USP34: variants seen among roughly 807,000 people sequenced by gnomAD.
The protein encoded by USP34 is ubiquitin specific peptidase 34.
USP34 carries 70 observed loss-of-function variants against 460.3 expected under a neutral mutation model. The observed-to-expected ratio is 0.15, with a 90% CI of 0.13 to 0.19. The LOEUF (loss-of-function observed/expected upper bound fraction) is 0.19. USP34 is among the 10% of genes least tolerant of loss of function. The probability of loss-of-function intolerance (pLI) is 1.00; values close to 1 mark genes in which losing one functional copy is unlikely to be tolerated. For synonymous variants in USP34, 1,647 were observed against 1,405.3 expected (o/e 1.17, Z -3.85); for missense variants, 3,985 against 4,236.2 (o/e 0.94, Z 1.65).
chr2:61,279,615 G>A (rs1446651136), intron 39 of USP34, among the ~76,000 whole-genome samples: 1 of 152,118 alleles, frequency 6.6e-6, no homozygotes, highest in Non-Finnish European at 1.5e-5. Context: ...ACAGGCACCT[G>A]TGACTATGCC....
chr2:61,231,528 C>T (rs1687905021), intron 58 of USP34, among the ~76,000 whole-genome samples: 1 of 151,970 alleles, frequency 6.6e-6, no homozygotes, highest in African/African-American at 2.4e-5. Flanking sequence ...GCCTAGGCAA[C>T]AGGGGAGAGA....
intron 27 of USP34, among the ~76,000 whole-genome samples, chr2:61,307,235 T>C (rs561842839): frequency 1.4e-5 from 2 of 147,660 alleles, no homozygotes; most frequent in Non-Finnish European, 3.0e-5. Context: ...AAACACCGCA[T>C]GTTCTCACTC....
At chr2:61,266,225 T>G (rs1484617305) in intron 41 of USP34, 58 bp from the exon 42 acceptor site, 15 of 1,476,744 alleles carry the variant, frequency 1.0e-5, no homozygotes, top group Non-Finnish European at 1.4e-5. Flanking sequence ...ATTCCAAATA[T>G]AGTTAACATA....
chr2:61,189,116 T>C (rs764251323), intron 78 of USP34, 47 bp from the exon 79 acceptor site: 1 of 1,578,742 alleles, frequency 6.3e-7, no homozygotes, highest in East Asian at 2.3e-5. Flanking sequence ...AGCCAACACT[T>C]TGATGCAGTT....
intron 20 of USP34, among the ~76,000 whole-genome samples, chr2:61,327,254 T>C (rs1194372810): frequency 2.6e-5 from 4 of 152,364 alleles, no homozygotes; most frequent in South Asian, 4.1e-4. Context: ...TTAGGGTCTC[T>C]TATTAATGCT....
intron 48 of USP34, among the ~76,000 whole-genome samples, chr2:61,255,690 A>T (rs555038832): frequency 1.3e-5 from 2 of 152,240 alleles, no homozygotes; most frequent in Non-Finnish European, 2.9e-5. Context: ...TAAACAATTC[A>T]TAAGTGGTGT....
At chr2:61,468,372 G>A (rs535757651) in intron 1 of USP34, among the ~76,000 whole-genome samples, 3 of 152,146 alleles carry the variant, frequency 2.0e-5, no homozygotes, top group Non-Finnish European at 2.9e-5. Flanking sequence ...GAGTAGAGAC[G>A]GGGTTTCTCC....
Position 61,245,251 on chromosome 2 carries a change from A to C in USP34, c.6586T>G (p.Ser2196Ala). The change falls in exon 51 of 80, where the codon TCT (serine) becomes GCT (alanine). Residue 2196 changes from serine (S) to alanine (A), a missense_variant. Coordinates refer to ENST00000398571, the MANE Select transcript of USP34 (RefSeq NM_014709.4). Reference sequence around the variant, plus strand: ...AAACATTCAGATGCAAGTTGAGCAGAATCAAAAGGTTTTACCTCAGCATCA... The same window carrying C: ...AAACATTCAGATGCAAGTTGAGCAGCATCAAAAGGTTTTACCTCAGCATCA... Reference protein sequence around the residue: ...FNDAEVKPFDSAQLASECFGG... With the variant: ...FNDAEVKPFDAAQLASECFGG... 8.1e-6 allele frequency: 13 copies of C among 1,610,500 alleles called. No individual in the cohort carries two copies. The highest frequency in any genetic ancestry group is 1.1e-5 in the Non-Finnish European group (13 of 1,178,300).
At position 61,187,663 on chromosome 2, in the gene USP34, T is replaced by G. The variant is rs541132321; in HGVS notation, c.*439A>C. On this transcript the variant is annotated 3_prime_UTR_variant, in exon 80 of 80. Transcript: ENST00000398571. ...TTTACAGAATCAAATTTCTTGTGGT[T>G]GTTCCGTATACAAGTAAACTTAATT... 38 of 584,492 alleles carry G rather than the reference T, an allele frequency of 6.5e-5. No individual in the cohort carries two copies. The highest frequency in any genetic ancestry group is 4.2e-4 in the East Asian group (3 of 7,170). The allele number at this position is 584,492 out of a possible 1,614,324, so 36.2% of individuals were successfully genotyped here.
chr2:61,416,074 G>A (rs1694184286), intron 2 of USP34, among the ~76,000 whole-genome samples: 1 of 152,162 alleles, frequency 6.6e-6, no homozygotes, highest in Non-Finnish European at 1.5e-5. Flanking sequence ...CTGAAAGAAT[G>A]AAAGGACTAT....
rs773606146 is a variant in USP34 at position 61,214,632 on chromosome 2, T to C, written c.8110A>G (p.Thr2704Ala). The C allele has an allele frequency of 1.2e-6, 2 of 1,614,104 alleles. No individual in the cohort carries two copies. The highest frequency in any genetic ancestry group is 1.7e-6 in the Non-Finnish European group (2 of 1,180,030). ...CGGGTTGGGATGTGCAAAGACCTTG[T>C]TGACCGGAACATCTGACGGAATGAA... ...SNSFRQMFRS[T>A]RSLHIPTRDL... is the part of the protein sequence containing the mutation. Residue 2704 changes from threonine to alanine, a missense_variant, in exon 68 of 80, where the codon ACA becomes GCA. Physicochemically the swap from Thr to Ala is moderately conservative, Grantham distance 58 (BLOSUM62 0). Coordinates refer to ENST00000398571, the MANE Select transcript of USP34 (RefSeq NM_014709.4).
chr2:61,280,319 T>C lies in USP34; in HGVS notation c.5181A>G (p.Leu1727=). 6.4e-7 allele frequency: 1 copy of C among 1,551,490 alleles called. No homozygotes were observed. Among genetic ancestry groups the C allele is most frequent in the South Asian group, 1.3e-5 (1 of 77,212 alleles). The change falls in exon 39 of 80, where the codon TTA becomes TTG. Residue 1727 remains leucine (L), a synonymous_variant. Coordinates refer to ENST00000398571, the MANE Select transcript of USP34 (RefSeq NM_014709.4). ...RIDDYEEEPI[L]KPGCKEYFWL... ...AAAAATACTCTTTACATCCTGGTTT[T>C]AATATTGGTTCTTCCTCATAATCAT...
At chr2:61,334,543 T>G (rs1021295992) in intron 18 of USP34, among the ~76,000 whole-genome samples, 1 of 152,142 alleles carries the variant, frequency 6.6e-6, no homozygotes, top group Non-Finnish European at 1.5e-5. Flanking sequence ...CAAATTCTAA[T>G]GAAGAACTAA....
intron 66 of USP34, among the ~76,000 whole-genome samples, chr2:61,220,787 T>G (rs1450506742): frequency 6.6e-6 from 1 of 152,232 alleles, no homozygotes; most frequent in East Asian, 1.9e-4. Context: ...GTTTCTCATC[T>G]TTACTTTTCT....
chr2:61,289,025 T>C (rs953338908), intron 33 of USP34, 148 bp from the exon 34 acceptor site: 2 of 751,928 alleles, frequency 2.7e-6, no homozygotes, highest in Non-Finnish European at 4.2e-6. Flanking sequence ...TCAAATATTA[T>C]GGTCAGTACC....
intron 33 of USP34, among the ~76,000 whole-genome samples, chr2:61,292,836 T>G (rs1203908636): frequency 1.3e-5 from 2 of 152,142 alleles, no homozygotes; most frequent in Non-Finnish European, 2.9e-5. Context: ...AGCAATTTTA[T>G]TTTCATATAG....
chr2:61,272,352 A>G (rs1396751075), intron 41 of USP34, among the ~76,000 whole-genome samples: 3 of 150,136 alleles, frequency 2.0e-5, no homozygotes, highest in Non-Finnish European at 4.4e-5. Context: ...CAGAGCTTGC[A>G]GTGAGCCAAG....
chr2:61,233,369 C>T (rs1390371775), intron 57 of USP34, among the ~76,000 whole-genome samples: 1 of 151,204 alleles, frequency 6.6e-6, no homozygotes, highest in Non-Finnish European at 1.5e-5. Context: ...CAAAAAATGG[C>T]ATGGAGAAAA....
At chr2:61,224,620 T>C (rs528714220) in intron 62 of USP34, among the ~76,000 whole-genome samples, 2 of 152,332 alleles carry the variant, frequency 1.3e-5, no homozygotes, top group South Asian at 4.1e-4. Flanking sequence ...GAAGTATACT[T>C]GCAAGTAGAA....
Sources: allele counts gnomAD v4.1 joint callset (sites outside exome capture counted in the v4.1 genomes callset), GRCh38; gene constraint gnomAD v4.1.1; transcripts MANE v1.5; gene names NCBI Gene and HGNC (gene_info 2026-07-23, HGNC 2026-07-21).